MYT1L: variants seen among roughly 807,000 people sequenced by gnomAD.
MYT1L encodes myelin transcription factor 1 like, also known as myelin transcription factor 1-like protein.
A neutral mutation model predicts 126.7 loss-of-function variants in MYT1L; 12 were observed. The ratio of observed to expected loss-of-function variants is 0.09; its 90% CI spans 0.06 to 0.15. MYT1L has a LOEUF of 0.15. Among genes scored for constraint, MYT1L ranks in the 10% least tolerant of loss-of-function variants. MYT1L has a pLI of 1.00. For missense variants in MYT1L, 979 were observed against 1,585.2 expected, an observed-to-expected ratio of 0.62 and a Z score of 6.49; for synonymous variants, 541 against 604.2, an observed-to-expected ratio of 0.90 and a Z score of 1.53.
At chr2:2,147,474 G>A (rs75929217) in intron 3 of MYT1L, among the ~76,000 whole-genome samples, 5,269 of 152,284 alleles carry the variant, frequency 0.035, 104 homozygotes, top group Middle Eastern at 0.068. Flanking sequence ...GATGCCATTC[G>A]GCTATGTCCC....
chr2:2,204,603 A>C (rs57740427), intron 2 of MYT1L, among the ~76,000 whole-genome samples: 14,760 of 121,696 alleles, frequency 0.12, 1,606 homozygotes, highest in African/African-American at 0.28. Context: ...ATTAAAAAGT[A>C]AGGAAACAAC....
In MYT1L at chr2:1,912,936, C is replaced by T. The variant is rs766315549; in HGVS notation, c.1619-826G>A. 3.3e-5 allele frequency among the ~76,000 whole-genome samples: 5 copies of T among 152,104 alleles called. No individual in the cohort carries two copies. The highest frequency in any genetic ancestry group is 2.1e-4 in the South Asian group (1 of 4,822). ...GGTTCTGGGGGAAGGTTAGCAGGGA[C>T]GAAGGGACCCCCACACGGACCCTGT... On this transcript the variant is annotated intron_variant, in intron 11 of 24. Transcript: ENST00000647738. The surrounding 1 kb of genome is among the most constrained non-coding windows in gnomAD (Gnocchi z 4.3).
intron 19 of MYT1L, 106 bp downstream of exon 19, chr2:1,851,535 G>A (rs2043261063): frequency 9.9e-7 from 1 of 1,005,246 alleles, no homozygotes; most frequent in Admixed American, 1.9e-5. Flanking sequence ...CCTTAATTTT[G>A]CCCATGGTGT....
In MYT1L at chr2:2,280,650, G is replaced by A. The variant is rs190236859; in HGVS notation, c.-421+3754C>T. ...AAGTCAGGTAACACACATCAACTTC[G>A]TAGGACACGGCTGCAGTGCAGCAGT... On this transcript the variant is annotated intron_variant, in intron 2 of 24. Transcript: ENST00000647738. Among the ~76,000 whole-genome samples the A allele has an allele frequency of 3.0e-4, 45 of 152,248 alleles. No homozygotes were observed. The East Asian group carries it at 4.8e-3, about 16-fold the overall frequency.
chr2:1,979,760 C>T lies in MYT1L; in HGVS notation c.18G>A (p.Glu6=), dbSNP rs752541464. 1.2e-6 allele frequency: 2 copies of T among 1,614,000 alleles called. No homozygotes were observed. The highest frequency in any genetic ancestry group is 2.2e-5 in the South Asian group (2 of 91,082). Reference sequence around the variant, plus strand: ...TGGACCGCGTGCGATGCCGCTTCTCCTCGGTGTCCACCTCCATCTGGGGAT... The same window carrying T: ...TGGACCGCGTGCGATGCCGCTTCTCTTCGGTGTCCACCTCCATCTGGGGAT... The part of the protein sequence containing the change: MEVDT[E]EKRHRTRSKG... Residue 6 remains glutamate (E), a synonymous_variant, in exon 6 of 25, where the codon GAG becomes GAA. Transcript: ENST00000647738. This position sits in a 1 kb window ranked among gnomAD's most constrained non-coding sequence, Gnocchi z 4.0.
chr2:1,848,285 C>A lies in MYT1L; in HGVS notation c.2774+3356G>T, dbSNP rs1044824859. ...AGGAGGGAGAATTCTACAGACACCA[C>A]GGAAGCGCGAGGCATTTGTCCTGGG... is the stretch of plus-strand genomic sequence containing the variant. On this transcript the variant is annotated intron_variant, in intron 19 of 24. Coordinates refer to ENST00000647738, the MANE Select transcript of MYT1L (RefSeq NM_001303052.2). This position sits in a 1 kb window ranked among gnomAD's most constrained non-coding sequence, Gnocchi z 4.8. Among the ~76,000 whole-genome samples the A allele has an allele frequency of 2.4e-4, 12 of 50,918 alleles. No individual in the cohort carries two copies. Among genetic ancestry groups the A allele is most frequent in the African/African-American group, 1.6e-3 (12 of 7,432 alleles). 33.4% of individuals were successfully genotyped at this position (50,918 alleles called of 152,430 possible). A position where few individuals can be genotyped will look rare whatever the true frequency, so the allele number is the denominator to read the frequency against.
At chr2:2,150,582 A>AT (rs1046694691) in intron 3 of MYT1L, among the ~76,000 whole-genome samples, 26 of 151,968 alleles carry the variant, frequency 1.7e-4, no homozygotes, top group Middle Eastern at 3.2e-3. Context: ...CTAAATTACA[A>AT]TTTTTTTTAG....
intron 1 of MYT1L, among the ~76,000 whole-genome samples, chr2:2,328,698 C>A (rs886388390): frequency 9.9e-5 from 15 of 152,112 alleles, no homozygotes; most frequent in African/African-American, 3.6e-4. Flanking sequence ...TTAATAATTA[C>A]ATGTATTTGG....
chr2:2,124,640 T>C (rs111528315), intron 3 of MYT1L, among the ~76,000 whole-genome samples: 1 of 152,232 alleles, frequency 6.6e-6, no homozygotes, highest in African/African-American at 2.4e-5. Flanking sequence ...TTAGTAGCTT[T>C]GATTATCTGC....
chr2:1,919,484 C>G (rs1455077475), intron 10 of MYT1L, among the ~76,000 whole-genome samples: 1 of 152,174 alleles, frequency 6.6e-6, no homozygotes, highest in Non-Finnish European at 1.5e-5. Flanking sequence ...GGGTAGATGA[C>G]AGAGGAGGTC....
At chr2:2,319,546 A>T (rs941086778) in intron 1 of MYT1L, among the ~76,000 whole-genome samples, 1 of 152,126 alleles carries the variant, frequency 6.6e-6, no homozygotes, top group Non-Finnish European at 1.5e-5. Flanking sequence ...CGTGCCGTTG[A>T]ATAGAGAATA....
At chr2:2,202,095 C>A (rs2093103897) in intron 2 of MYT1L, among the ~76,000 whole-genome samples, 1 of 151,910 alleles carries the variant, frequency 6.6e-6, no homozygotes, top group Admixed American at 6.6e-5. Flanking sequence ...CACAACATAC[C>A]AGAATCTCTG....
chr2:1,976,697 AT>A (rs1479280720), intron 8 of MYT1L, among the ~76,000 whole-genome samples: 4 of 152,222 alleles, frequency 2.6e-5, no homozygotes, highest in African/African-American at 9.6e-5. Flanking sequence ...TAAAACAGCA[AT>A]AGTCATAGAT....
intron 5 of MYT1L, among the ~76,000 whole-genome samples, chr2:1,986,693 A>G (rs1379959162): frequency 6.6e-6 from 1 of 152,152 alleles, no homozygotes; most frequent in Non-Finnish European, 1.5e-5. Context: ...AAATACCCAC[A>G]AGAAGAACTT....
chr2:2,304,329 G>T (rs777152225), intron 1 of MYT1L, among the ~76,000 whole-genome samples: 1 of 152,150 alleles, frequency 6.6e-6, no homozygotes, highest in African/African-American at 2.4e-5. Context: ...GTAAGTGAGT[G>T]GTGTAGATAA....
chr2:1,959,658 C>T (rs951676810), intron 8 of MYT1L, among the ~76,000 whole-genome samples: 30 of 152,282 alleles, frequency 2.0e-4, no homozygotes, highest in African/African-American at 7.0e-4. Flanking sequence ...GAGAATGGAG[C>T]TATGCCCCCG....
At chr2:1,978,350 A>T (rs1382948857) in intron 8 of MYT1L, among the ~76,000 whole-genome samples, 1 of 152,224 alleles carries the variant, frequency 6.6e-6, no homozygotes, top group Admixed American at 6.5e-5. Flanking sequence ...AAAGTAAAAC[A>T]TACTTTAGCC....
At chr2:1,960,312 C>T (rs938683618) in intron 8 of MYT1L, among the ~76,000 whole-genome samples, 2 of 152,200 alleles carry the variant, frequency 1.3e-5, no homozygotes, top group Non-Finnish European at 2.9e-5. Flanking sequence ...TCCTGGTGCT[C>T]ATCCGCACTT....
chr2:2,074,859 C>T (rs1026688874), intron 3 of MYT1L, among the ~76,000 whole-genome samples: 3 of 152,146 alleles, frequency 2.0e-5, no homozygotes, highest in South Asian at 2.1e-4. Flanking sequence ...AGCCCTGAAA[C>T]GATCTAATAA....
Sources: allele counts gnomAD v4.1 joint callset (sites outside exome capture counted in the v4.1 genomes callset), GRCh38; gene constraint gnomAD v4.1.1; non-coding constraint Gnocchi (gnomAD v3.1); transcripts MANE v1.5; gene names NCBI Gene and HGNC (gene_info 2026-07-23, HGNC 2026-07-21).